Variants in RNF212B observed in about 807,000 individuals in gnomAD.
The protein encoded by RNF212B is E3 ubiquitin-protein ligase RNF212B.
In RNF212B, 52 loss-of-function variants were observed where a neutral mutation model predicts 55.5. The observed-to-expected ratio is 0.94, with a 90% CI of 0.75 to 1.18. RNF212B has a LOEUF of 1.18. Among genes scored for constraint, RNF212B ranks in the 50% most tolerant of loss-of-function variants. The pLI is 0.00. For missense variants in RNF212B, 289 were observed against 350.4 expected (o/e 0.82, Z 1.40); for synonymous variants, 99 against 121.4 (o/e 0.82, Z 1.21).
intron 2 of RNF212B, among the ~76,000 whole-genome samples, chr14:23,202,749 G>A (rs976507468): frequency 1.8e-4 from 27 of 151,750 alleles, no homozygotes; most frequent in Non-Finnish European, 3.7e-4. Context: ...TACTCGAGAG[G>A]CTGAGGCAGG....
rs1166613606 is a variant in RNF212B at position 23,208,757 on chromosome 14, G to GTTTTTTTTTTTTT, written c.-2+15363_-2+15375dup. 2.8e-4 allele frequency among the ~76,000 whole-genome samples: 27 copies of GTTTTTTTTTTTTT among 98,114 alleles called. 5 individuals carry two copies. The highest frequency in any genetic ancestry group is 1.2e-3 in the African/African-American group (26 of 21,894). 64.4% of individuals were successfully genotyped at this position (98,114 alleles called of 152,430 possible). ...GCAGTCCCAAGGGCTGCTGGTTGCC[G>GTTTTTTTTTTTTT]TTTTTTTTTTTTTTTTTTTGAGACG... On this transcript the variant is annotated intron_variant, in intron 2 of 15. Transcript: ENST00000399910.
At chr14:23,234,745 C>T (rs1882976233), upstream of RNF212B, among the ~76,000 whole-genome samples, 1 of 152,212 alleles carries the variant, frequency 6.6e-6, no homozygotes, top group Non-Finnish European at 1.5e-5. Context: ...CTCCACATGG[C>T]ACTAAAATAT....
chr14:23,257,625 A>C (rs17128153), intron 4 of RNF212B, among the ~76,000 whole-genome samples: 26,474 of 152,206 alleles, frequency 0.17, 3,425 homozygotes, highest in African/African-American at 0.37. Flanking sequence ...CTGTGTACTC[A>C]AAAGTAGAGC....
Position 23,229,220 on chromosome 14 carries a change from TTATATATATATA to T in RNF212B, c.-1-11094_-1-11083del, listed in dbSNP as rs61656270. Among the ~76,000 whole-genome samples, 330 of 65,028 alleles carry T rather than the reference TTATATATATATA, an allele frequency of 5.1e-3. 1 individual carries two copies. The highest frequency in any genetic ancestry group is 0.028 in the South Asian group (28 of 990). The allele number at this position is 65,028 out of a possible 152,430, so 42.7% of individuals were successfully genotyped here. On this transcript the variant is annotated intron_variant, in intron 2 of 15. Transcript: ENST00000399910. The stretch of plus-strand genomic sequence containing the variant: ...ATTTCCTTTATGGCTGAATAATATT[TTATATATATATA>T]TATATATATATATATATATATATAT...
At chr14:23,254,651 C>T (rs1355856819) in intron 4 of RNF212B, among the ~76,000 whole-genome samples, 1 of 152,156 alleles carries the variant, frequency 6.6e-6, no homozygotes. Flanking sequence ...ACCTTGGCTT[C>T]CCAAAGTGCC....
chr14:23,243,034 T>C (rs972299012), intron 2 of RNF212B, among the ~76,000 whole-genome samples: 1 of 151,592 alleles, frequency 6.6e-6, no homozygotes, highest in Non-Finnish European at 1.5e-5. Context: ...ACGTACGGTG[T>C]GAAAGCCCTA....
intron 2 of RNF212B, among the ~76,000 whole-genome samples, chr14:23,204,269 C>T (rs1879619371): frequency 1.3e-5 from 2 of 152,126 alleles, no homozygotes; most frequent in South Asian, 2.1e-4. Flanking sequence ...ATTATATTTG[C>T]TTTTGGGTTC....
chr14:23,229,448 T>G (rs1210877413), intron 2 of RNF212B, among the ~76,000 whole-genome samples: 2 of 151,730 alleles, frequency 1.3e-5, no homozygotes, highest in Non-Finnish European at 2.9e-5. Context: ...TATTTTTCAC[T>G]TTTTGAGGAG....
chr14:23,231,171 G>A (rs1882581974), intron 2 of RNF212B, among the ~76,000 whole-genome samples: 1 of 152,116 alleles, frequency 6.6e-6, no homozygotes, highest in South Asian at 2.1e-4. Flanking sequence ...AATTTTGATA[G>A]GGATGACATT....
chr14:23,259,608 CA>C, intron 5 of RNF212B: 1 of 245,634 alleles, frequency 4.1e-6, no homozygotes, highest in Admixed American at 5.6e-5. Flanking sequence ...ATCAGCAGGC[CA>C]GGGGTGTGTG....
chr14:23,220,227 CAAAAA>C (rs1881442199), intron 2 of RNF212B, among the ~76,000 whole-genome samples: 1 of 149,594 alleles, frequency 6.7e-6, no homozygotes, highest in Non-Finnish European at 1.5e-5. Context: ...AAAACAAAAA[CAAAAA>C]CAAAAACCAT....
At chr14:23,185,941 A>C (rs1877548611) in intron 1 of RNF212B, among the ~76,000 whole-genome samples, 1 of 152,142 alleles carries the variant, frequency 6.6e-6, no homozygotes, top group Admixed American at 6.6e-5. Flanking sequence ...CTCTACAAAA[A>C]ATACAAAAAT....
At position 23,231,611 on chromosome 14, in the gene RNF212B, CCCCCTCT is replaced by C. The variant is rs1011417068; in HGVS notation, c.-1-8708_-1-8702del. 1.2e-3 allele frequency among the ~76,000 whole-genome samples: 186 copies of C among 151,908 alleles called. 1 individual carries two copies. The highest frequency in any genetic ancestry group is 2.5e-3 in the South Asian group (12 of 4,808). On this transcript the variant is annotated intron_variant, in intron 2 of 15. Coordinates refer to the RNF212B transcript ENST00000399910. The stretch of plus-strand genomic sequence containing the variant: ...AAAAGATAAGAATATTTAAAGAGCT[CCCCCTCT>C]CCCCTCTCCCCTCTCCCCTCTCCCC...
chr14:23,194,638 G>A (rs946581728), intron 2 of RNF212B, among the ~76,000 whole-genome samples: 1 of 150,976 alleles, frequency 6.6e-6, no homozygotes, highest in Non-Finnish European at 1.5e-5. Context: ...GGGAGGCTGA[G>A]GCATGAGAAT....
At chr14:23,223,584 T>C (rs1458284299) in intron 2 of RNF212B, among the ~76,000 whole-genome samples, 2 of 152,152 alleles carry the variant, frequency 1.3e-5, no homozygotes, top group East Asian at 3.8e-4. Context: ...CTCGATCTCC[T>C]GACCCCGTGA....
intron 1 of RNF212B, among the ~76,000 whole-genome samples, chr14:23,239,951 T>C (rs1883435321): frequency 6.6e-6 from 1 of 150,754 alleles, no homozygotes; most frequent in Admixed American, 6.6e-5. Context: ...AACTGGCACA[T>C]GTATTAATCC....
At chr14:23,261,776 A>G (rs1190448581) in intron 7 of RNF212B, among the ~76,000 whole-genome samples, 1 of 152,178 alleles carries the variant, frequency 6.6e-6, no homozygotes, top group East Asian at 1.9e-4. Context: ...TCTGGCTAAC[A>G]TGGTGAAACC....
chr14:23,216,056 T>C (rs1349418283), intron 2 of RNF212B, among the ~76,000 whole-genome samples: 2 of 100,470 alleles, frequency 2.0e-5, no homozygotes, highest in Non-Finnish European at 4.4e-5. Flanking sequence ...CCATCCTGGC[T>C]AACACGGTGA....
In RNF212B at chr14:23,245,531, G is replaced by C. The variant is rs142278884; in HGVS notation, c.228+1135G>C. On this transcript the variant is annotated intron_variant, in intron 4 of 14. Transcript: ENST00000430154. ...CCAATTACACATGGTCAAGTATCAAGATAAAAGAAATGGAAAGGGTCAGTT... is the reference window on the plus strand; with the variant it reads ...CCAATTACACATGGTCAAGTATCAACATAAAAGAAATGGAAAGGGTCAGTT... Among the ~76,000 whole-genome samples, 679 of 152,232 alleles carry C rather than the reference G, an allele frequency of 4.5e-3. 2 individuals are homozygous for C. Among genetic ancestry groups the C allele is most frequent in the African/African-American group, 0.015 (626 of 41,560 alleles).
Sources: gnomAD v4.1 joint callset for allele counts (sites outside exome capture counted in the v4.1 genomes callset) on GRCh38, gnomAD v4.1.1 for gene constraint, MANE v1.5 for transcripts, NCBI Gene and HGNC (gene_info 2026-07-23, HGNC 2026-07-21) for gene names.